The following TRAPPC9 variants were observed in gnomAD, a reference collection of about 807,000 sequenced individuals.
The protein encoded by TRAPPC9 is trafficking protein particle complex subunit 9.
TRAPPC9 carries 83 observed loss-of-function variants against 124.0 expected under a neutral mutation model. That is an observed-to-expected ratio of 0.67 (90% CI 0.56 to 0.80). The LOEUF is 0.80. Among genes scored for constraint, TRAPPC9 ranks in the 30% least tolerant of loss-of-function variants. The probability of loss-of-function intolerance (pLI) is 0.00; values close to 1 mark genes in which losing one functional copy is unlikely to be tolerated. For synonymous variants in TRAPPC9, 638 were observed against 617.5 expected, an observed-to-expected ratio of 1.03 and a Z score of -0.49; for missense variants, 1,302 against 1,508.3, an observed-to-expected ratio of 0.86 and a Z score of 2.27.
chr8:140,120,931 C>T (rs950498784), intron 17 of TRAPPC9, among the ~76,000 whole-genome samples: 9 of 152,362 alleles, frequency 5.9e-5, no homozygotes, highest in African/African-American at 1.9e-4. Flanking sequence ...CAACAGCCAT[C>T]CATCCAACAT....
intron 17 of TRAPPC9, chr8:140,098,277 C>T (rs1324729668): frequency 6.6e-6 from 1 of 151,664 alleles, no homozygotes; most frequent in Non-Finnish European, 1.5e-5. Flanking sequence ...TCCAGAGCCA[C>T]CCAGATCCTC....
chr8:140,421,794 T>A (rs1212947833), intron 5 of TRAPPC9, among the ~76,000 whole-genome samples: 1 of 152,144 alleles, frequency 6.6e-6, no homozygotes, highest in African/African-American at 2.4e-5. Context: ...TCTGTAGTCA[T>A]GACACTACCT....
intron 17 of TRAPPC9, among the ~76,000 whole-genome samples, chr8:140,117,282 A>C (rs1431235356): frequency 6.6e-6 from 1 of 152,224 alleles, no homozygotes; most frequent in Admixed American, 6.5e-5. Context: ...GTCATGTCTT[A>C]GTCTATTTTG....
At chr8:139,741,301 C>T (rs1020195408) in intron 21 of TRAPPC9, among the ~76,000 whole-genome samples, 3 of 152,204 alleles carry the variant, frequency 2.0e-5, no homozygotes, top group Admixed American at 1.3e-4. Flanking sequence ...CAGGGCTCAG[C>T]GCTCTGTAGG....
At chr8:139,833,869 G>A (rs142902965) in intron 21 of TRAPPC9, among the ~76,000 whole-genome samples, 24 of 152,356 alleles carry the variant, frequency 1.6e-4, no homozygotes, top group African/African-American at 5.5e-4. Flanking sequence ...GGCCACCCTG[G>A]TGTTATTCCT....
At chr8:139,749,781 C>T (rs962987879) in intron 21 of TRAPPC9, among the ~76,000 whole-genome samples, 3 of 152,188 alleles carry the variant, frequency 2.0e-5, no homozygotes, top group Non-Finnish European at 2.9e-5. Flanking sequence ...GCTGGATGAG[C>T]GGGTGGCGGT....
chr8:139,815,286 T>A (rs1310720003), intron 21 of TRAPPC9, among the ~76,000 whole-genome samples: 1 of 152,090 alleles, frequency 6.6e-6, no homozygotes, highest in East Asian at 1.9e-4. Context: ...TTACTGGAGA[T>A]GAGAATGGGG....
chr8:140,001,565 A>C lies in TRAPPC9; in HGVS notation c.2700-12729T>G, dbSNP rs139239546. 5.9e-4 allele frequency among the ~76,000 whole-genome samples: 90 copies of C among 152,328 alleles called. No individual in the cohort carries two copies. The East Asian group carries it at 0.015, about 25-fold the overall frequency. The stretch of plus-strand genomic sequence containing the variant: ...ATGTAATTGATAAACCTCTAGCCAC[A>C]ATTACAAAGGAAAAAGGAGAGAGAA... On this transcript the variant is annotated intron_variant, in intron 18 of 22. Coordinates refer to ENST00000438773, the MANE Select transcript of TRAPPC9 (RefSeq NM_001160372.4).
intron 15 of TRAPPC9, among the ~76,000 whole-genome samples, chr8:140,255,440 C>T (rs949956693): frequency 7.2e-5 from 11 of 152,322 alleles, no homozygotes; most frequent in African/African-American, 2.6e-4. Context: ...TGTTCAGATG[C>T]TTTGCAAACT....
chr8:139,846,064 A>G (rs909738826), intron 21 of TRAPPC9, among the ~76,000 whole-genome samples: 3 of 152,254 alleles, frequency 2.0e-5, no homozygotes, highest in African/African-American at 7.2e-5. Flanking sequence ...AGCTGAGGCC[A>G]AGGCCAAGGG....
intron 7 of TRAPPC9, among the ~76,000 whole-genome samples, chr8:140,373,377 A>G (rs992952660): frequency 6.6e-6 from 1 of 152,208 alleles, no homozygotes; most frequent in African/African-American, 2.4e-5. Context: ...TGCTCCTGCA[A>G]TGCCTCCACA....
At chr8:139,935,309 C>A (rs537557455) in intron 19 of TRAPPC9, among the ~76,000 whole-genome samples, 1 of 152,316 alleles carries the variant, frequency 6.6e-6, no homozygotes, top group South Asian at 2.1e-4. Context: ...TCTCGCGTAT[C>A]CTGTCTGCTT....
chr8:140,371,937 A>G (rs756006268), intron 7 of TRAPPC9, among the ~76,000 whole-genome samples: 3 of 152,170 alleles, frequency 2.0e-5, no homozygotes, highest in Non-Finnish European at 4.4e-5. Flanking sequence ...TCCTGACCTC[A>G]GGTGATCTGC....
intron 21 of TRAPPC9, among the ~76,000 whole-genome samples, chr8:139,814,134 G>A (rs1051885848): frequency 3.9e-5 from 6 of 152,202 alleles, no homozygotes; most frequent in Admixed American, 6.5e-5. Context: ...TCCGGCAGCC[G>A]CCACAGCTGT....
chr8:140,420,939 T>C (rs940445658), intron 5 of TRAPPC9, among the ~76,000 whole-genome samples: 1 of 152,208 alleles, frequency 6.6e-6, no homozygotes, highest in South Asian at 2.1e-4. Flanking sequence ...GGAAAAGGCC[T>C]AGAAATTACA....
chr8:140,171,981 G>T (rs2061976766), intron 17 of TRAPPC9, among the ~76,000 whole-genome samples: 1 of 152,168 alleles, frequency 6.6e-6, no homozygotes, highest in African/African-American at 2.4e-5. Context: ...AACTGCTATG[G>T]GTGCCGCAGG....
chr8:140,443,898 T>C (rs963034367), intron 2 of TRAPPC9, among the ~76,000 whole-genome samples: 1 of 151,672 alleles, frequency 6.6e-6, no homozygotes, highest in African/African-American at 2.4e-5. Flanking sequence ...TAGCCAGGCG[T>C]GGTGGCGGGC....
At chr8:139,990,731 T>C (rs1169054102) in intron 18 of TRAPPC9, among the ~76,000 whole-genome samples, 4 of 152,062 alleles carry the variant, frequency 2.6e-5, no homozygotes, top group South Asian at 2.1e-4. Context: ...GGATTACAGG[T>C]GCCCGCCACC....
intron 14 of TRAPPC9, among the ~76,000 whole-genome samples, chr8:140,277,374 A>T (rs1320850430): frequency 6.6e-6 from 1 of 152,234 alleles, no homozygotes; most frequent in Non-Finnish European, 1.5e-5. Context: ...TCTGTCAAGG[A>T]AGGAAAATTG....
Sources: allele counts gnomAD v4.1 joint callset (sites outside exome capture counted in the v4.1 genomes callset), GRCh38; gene constraint gnomAD v4.1.1; transcripts MANE v1.5; gene names NCBI Gene and HGNC (gene_info 2026-07-23, HGNC 2026-07-21).